DCHS2: variants seen among roughly 807,000 people sequenced by gnomAD.
The protein encoded by DCHS2 is dachsous cadherin-related 2.
Under a neutral mutation model 182.4 loss-of-function variants are expected in DCHS2, and 142 were observed. The ratio of observed to expected loss-of-function variants is 0.78; its 90% confidence interval spans 0.68 to 0.89. The LOEUF (loss-of-function observed/expected upper bound fraction) is 0.89. Among genes scored for constraint, DCHS2 ranks in the 40% least tolerant of loss-of-function variants. The pLI is 0.00. For missense variants in DCHS2, 4,319 were observed against 4,198.6 expected (o/e 1.03, Z -0.79); for synonymous variants, 1,740 against 1,663.3 (o/e 1.05, Z -1.12).
intron 1 of DCHS2, among the ~76,000 whole-genome samples, chr4:154,467,039 A>G (rs1356768792): frequency 1.3e-5 from 2 of 152,226 alleles, no homozygotes; most frequent in Non-Finnish European, 1.5e-5. Flanking sequence ...TATGAAGTTT[A>G]CACAAGATTC....
chr4:154,240,419 G>C (rs755312328), intron 18 of DCHS2, 118 bp downstream of exon 18: 1 of 1,230,782 alleles, frequency 8.1e-7, no homozygotes, highest in Non-Finnish European at 1.1e-6. Context: ...GTTAACTTAG[G>C]CACTACAAAC....
In DCHS2 at chr4:154,275,947, C is replaced by T. The variant is rs540185597; in HGVS notation, c.6464-5934G>A. On this transcript the variant is annotated intron_variant, in intron 13 of 19. Coordinates refer to ENST00000357232, the MANE Select transcript of DCHS2 (RefSeq NM_001358235.2). Reference sequence around the variant, plus strand: ...ATGGAATTGTAGCACAAAAGAATTTCATTCAATGAAAATACTTCAAACTAG... The same window carrying T: ...ATGGAATTGTAGCACAAAAGAATTTTATTCAATGAAAATACTTCAAACTAG... 3.7e-4 allele frequency among the ~76,000 whole-genome samples: 57 copies of T among 152,240 alleles called. No homozygotes were observed. The Middle Eastern group carries it at 0.014, about 36-fold the overall frequency.
chr4:154,403,872 A>G (rs1732293160), intron 1 of DCHS2, among the ~76,000 whole-genome samples: 1 of 152,114 alleles, frequency 6.6e-6, no homozygotes, highest in Non-Finnish European at 1.5e-5. Context: ...TAAGTTGTCA[A>G]ATTTACTGAA....
chr4:154,295,650 A>G (rs1318050982), intron 13 of DCHS2, among the ~76,000 whole-genome samples: 1 of 152,256 alleles, frequency 6.6e-6, no homozygotes. Flanking sequence ...TATGAAATTC[A>G]TAGATTTGGG....
At chr4:154,438,477 T>C (rs532633470) in intron 1 of DCHS2, among the ~76,000 whole-genome samples, 1 of 152,322 alleles carries the variant, frequency 6.6e-6, no homozygotes, top group Admixed American at 6.5e-5. Context: ...TTACAATTCT[T>C]TTTCAAGATT....
In DCHS2 at chr4:154,333,305, G is replaced by C. The variant is rs1166338082; in HGVS notation, c.2903C>G (p.Thr968Arg). The change falls in exon 5 of 20, where the codon ACA becomes AGA. Residue 968 changes from threonine (T) to arginine (R), a missense_variant. Thr to Arg is a moderately conservative substitution (Grantham distance 71). Coordinates refer to ENST00000357232, the MANE Select transcript of DCHS2 (RefSeq NM_001358235.2). ...GTGGTTGTCATTGACATCCATGACT[G>C]TTATGTTGACCTCGGTGCTGCTGCA... ...PACSSTEVNI[T>R]VMDVNDNHPA... 3 of 1,614,094 alleles carry C rather than the reference G, an allele frequency of 1.9e-6. No individual in the cohort carries two copies. In the African/African-American group the frequency reaches 4.0e-5, roughly 22 times the overall value.
rs1333934323 is a variant in DCHS2, at chr4:154,302,933, G to A, written c.5605+1736C>T. ...ACACATATATATGAAATAGATATAC[G>A]TATACACACACACACACACACACAC... On this transcript the variant is annotated intron_variant, in intron 12 of 19. Coordinates refer to ENST00000357232, the MANE Select transcript of DCHS2 (RefSeq NM_001358235.2). Among the ~76,000 whole-genome samples the A allele has an allele frequency of 4.7e-5, 5 of 106,402 alleles. 1 individual carries two copies. In the South Asian group the frequency reaches 8.6e-4, roughly 18 times the overall value. The allele number at this position is 106,402 out of a possible 152,430, so 69.8% of individuals were successfully genotyped here.
Position 154,491,013 on chromosome 4 carries a change from C to A in DCHS2, c.343G>T (p.Asp115Tyr), listed in dbSNP as rs1728811406. The A allele has an allele frequency of 3.2e-6, 5 of 1,550,624 alleles. No individual in the cohort carries two copies. The highest frequency in any genetic ancestry group is 4.4e-6 in the Non-Finnish European group (5 of 1,146,440). The stretch of plus-strand genomic sequence containing the variant: ...CCGGTGTCCGGGTGCACGTGGAAGT[C>A]GTCCAGCAGCGGGGAGTCATCGGAG... Reference protein sequence around the residue: ...EDSDDSPLLDDFHVHPDTGII... With the variant: ...EDSDDSPLLDYFHVHPDTGII... The change falls in exon 1 of 20, where the codon GAC (aspartate) becomes TAC (tyrosine). Residue 115 changes from aspartate to tyrosine, a missense_variant. By Grantham distance (160) the Asp-to-Tyr change is radical. Transcript: ENST00000357232.
chr4:154,462,139 T>C (rs925422943), intron 1 of DCHS2, among the ~76,000 whole-genome samples: 1 of 152,172 alleles, frequency 6.6e-6, no homozygotes, highest in East Asian at 1.9e-4. Flanking sequence ...TTATCCAGAA[T>C]TTTTATCCCC....
chr4:154,318,324 G>A (rs1352449037), intron 9 of DCHS2, among the ~76,000 whole-genome samples: 2 of 151,442 alleles, frequency 1.3e-5, no homozygotes, highest in Non-Finnish European at 2.9e-5. Flanking sequence ...ATCATTTTAA[G>A]AGAAAAAAAA....
intron 1 of DCHS2, among the ~76,000 whole-genome samples, chr4:154,482,205 T>C (rs1468441256): frequency 6.6e-6 from 1 of 152,226 alleles, no homozygotes; most frequent in East Asian, 1.9e-4. Context: ...CAATAGAATA[T>C]ACTATTTTGA....
chr4:154,380,909 T>C (rs1286239977), intron 1 of DCHS2, among the ~76,000 whole-genome samples: 1 of 152,116 alleles, frequency 6.6e-6, no homozygotes, highest in Non-Finnish European at 1.5e-5. Flanking sequence ...ATCCATTGAC[T>C]GACACATAAA....
At chr4:154,280,104 C>G (rs905720109) in intron 13 of DCHS2, among the ~76,000 whole-genome samples, 5 of 151,856 alleles carry the variant, frequency 3.3e-5, no homozygotes, top group Admixed American at 1.3e-4. Context: ...AACAATTATA[C>G]AGCAAAAAAT....
At chr4:154,381,901 C>T (rs917944892) in intron 1 of DCHS2, among the ~76,000 whole-genome samples, 5 of 152,102 alleles carry the variant, frequency 3.3e-5, no homozygotes, top group Non-Finnish European at 7.4e-5. Context: ...ATCAAACTAC[C>T]AATGTAATTT....
chr4:154,386,636 C>A (rs1390874285), intron 1 of DCHS2, among the ~76,000 whole-genome samples: 2 of 152,144 alleles, frequency 1.3e-5, no homozygotes, highest in East Asian at 3.8e-4. Context: ...ACTGATCTCG[C>A]CCCACCCCTA....
chr4:154,378,988 T>C (rs1340416306), intron 1 of DCHS2, among the ~76,000 whole-genome samples: 1 of 152,186 alleles, frequency 6.6e-6, no homozygotes, highest in Admixed American at 6.5e-5. Flanking sequence ...TAGTGGTGCC[T>C]GTGCTCTTAA....
intron 9 of DCHS2, among the ~76,000 whole-genome samples, chr4:154,319,156 G>A (rs1024892996): frequency 1.9e-4 from 29 of 152,094 alleles, no homozygotes; most frequent in Admixed American, 1.8e-3. Context: ...AAAGAATGAA[G>A]TTGTATCTTT....
At chr4:154,299,466 G>A (rs974684413) in intron 12 of DCHS2, among the ~76,000 whole-genome samples, 2 of 152,140 alleles carry the variant, frequency 1.3e-5, no homozygotes, top group African/African-American at 4.8e-5. Flanking sequence ...AGAAAAATGT[G>A]GTTCATATGC....
intron 1 of DCHS2, among the ~76,000 whole-genome samples, chr4:154,423,988 T>C (rs1365334645): frequency 1.3e-5 from 2 of 152,218 alleles, no homozygotes; most frequent in Admixed American, 6.5e-5. Context: ...CCTGCTGGCA[T>C]TTTAGAAATA....
Sources: gnomAD v4.1 joint callset for allele counts (sites outside exome capture counted in the v4.1 genomes callset) on GRCh38, gnomAD v4.1.1 for gene constraint, MANE v1.5 for transcripts, NCBI Gene and HGNC (gene_info 2026-07-23, HGNC 2026-07-21) for gene names.